Variants in CMC1 observed in about 807,000 individuals in gnomAD.
CMC1 encodes the protein COX assembly mitochondrial protein homolog.
Under a neutral mutation model 14.1 loss-of-function variants are expected in CMC1, and 14 were observed. The observed-to-expected ratio is 0.99, with a 90% CI of 0.66 to 1.55. The LOEUF (loss-of-function observed/expected upper bound fraction) is 1.55. CMC1 is among the 40% of genes most tolerant of loss of function. CMC1 has a pLI of 0.00. For missense variants in CMC1, 127 were observed against 123.8 expected (o/e 1.03, Z -0.12); for synonymous variants, 50 against 38.4 (o/e 1.30, Z -1.12).
At chr3:28,289,419 CG>C (rs1282351415) in intron 2 of CMC1, among the ~76,000 whole-genome samples, 1 of 151,588 alleles carries the variant, frequency 6.6e-6, no homozygotes, top group East Asian at 1.9e-4. Flanking sequence ...ATATAAAAGC[CG>C]AGTATAACAT....
At chr3:28,265,265 T>C (rs1235165156) in intron 2 of CMC1, among the ~76,000 whole-genome samples, 1 of 152,116 alleles carries the variant, frequency 6.6e-6, no homozygotes, top group African/African-American at 2.4e-5. Context: ...TTTTAGGCCA[T>C]GTGATTCAAA....
chr3:28,252,445 G>A (rs911302080), intron 1 of CMC1, among the ~76,000 whole-genome samples: 1 of 152,148 alleles, frequency 6.6e-6, no homozygotes, highest in Non-Finnish European at 1.5e-5. Flanking sequence ...AATATTTGAT[G>A]TTTATTCTCT....
rs1698517238 is a variant in CMC1, at chr3:28,241,670, GTGTTTC to G, written c.-119_-114del. On this transcript the variant is annotated 5_prime_UTR_variant, in exon 1 of 4. Coordinates refer to ENST00000466830, the MANE Select transcript of CMC1 (RefSeq NM_182523.2). Reference sequence around the variant, plus strand: ...CCTGGCGGTGCTTTGCAAAGGGCCCGTGTTTCTGTTGCGGGAAGCTCCCGGGGGTCG... The same window carrying G: ...CCTGGCGGTGCTTTGCAAAGGGCCCGTGTTGCGGGAAGCTCCCGGGGGTCG... The G allele has an allele frequency of 9.7e-6, 12 of 1,234,968 alleles. No homozygotes were observed. The East Asian group carries it at 3.8e-4, about 39-fold the overall frequency. The allele number at this position is 1,234,968 out of a possible 1,614,324, so 76.5% of individuals were successfully genotyped here. A position where few individuals can be genotyped will look rare whatever the true frequency, so the allele number is the denominator to read the frequency against.
chr3:28,308,846 G>A (rs776835575), intron 2 of CMC1, among the ~76,000 whole-genome samples: 1 of 152,126 alleles, frequency 6.6e-6, no homozygotes, highest in Non-Finnish European at 1.5e-5. Flanking sequence ...AGCCCTGTGT[G>A]GTGGCGCATG....
At chr3:28,305,778 A>AT (rs1559440588) in intron 2 of CMC1, among the ~76,000 whole-genome samples, 8 of 79,052 alleles carry the variant, frequency 1.0e-4, no homozygotes, top group Non-Finnish European at 1.9e-4. Flanking sequence ...TTTTCATAGG[A>AT]ATTTTTTTTT....
At chr3:28,243,734 A>G (rs1470645769) in intron 1 of CMC1, among the ~76,000 whole-genome samples, 4 of 152,248 alleles carry the variant, frequency 2.6e-5, no homozygotes, top group Non-Finnish European at 5.9e-5. Context: ...ACAGTAGTAC[A>G]TAGGACAAAC....
At chr3:28,298,047 A>G (rs916122040) in intron 2 of CMC1, among the ~76,000 whole-genome samples, 1 of 151,934 alleles carries the variant, frequency 6.6e-6, no homozygotes, top group Non-Finnish European at 1.5e-5. Context: ...TTGTGAAGGT[A>G]AAGAATATTC....
chr3:28,317,118 T>C (rs1244573192), intron 3 of CMC1: 3 of 152,064 alleles, frequency 2.0e-5, no homozygotes, highest in African/African-American at 7.2e-5. Context: ...TTAATTTCTG[T>C]AGCCTGTGCA....
intron 2 of CMC1, among the ~76,000 whole-genome samples, chr3:28,312,188 G>C (rs1702669776): frequency 6.6e-6 from 1 of 152,084 alleles, no homozygotes; most frequent in East Asian, 1.9e-4. Flanking sequence ...TTTGCTTTTT[G>C]TAATGCTAGG....
At position 28,321,005 on chromosome 3, in the gene CMC1, G is replaced by T. The variant is rs759397196; in HGVS notation, c.*1376G>T. 1 of 151,100 alleles carries T rather than the reference G, an allele frequency of 6.6e-6. No individual in the cohort carries two copies. Among genetic ancestry groups the T allele is most frequent in the Non-Finnish European group, 1.5e-5 (1 of 67,518 alleles). The allele number at this position is 151,100 out of a possible 1,614,324, so 9.4% of individuals were successfully genotyped here. A position where few individuals can be genotyped will look rare whatever the true frequency, so the allele number is the denominator to read the frequency against. The stretch of plus-strand genomic sequence containing the variant: ...ATCTGAGAGATTTTTTTTTAAGAAA[G>T]AATTTAAATAGGACACTAAAGAATC... On this transcript the variant is annotated 3_prime_UTR_variant, in exon 4 of 4. Coordinates refer to ENST00000466830, the MANE Select transcript of CMC1 (RefSeq NM_182523.2).
At chr3:28,285,260 T>A (rs1476773378) in intron 2 of CMC1, among the ~76,000 whole-genome samples, 1 of 152,182 alleles carries the variant, frequency 6.6e-6, no homozygotes, top group Non-Finnish European at 1.5e-5. Context: ...GGTGACCTTC[T>A]CTGCTGGGGA....
At chr3:28,247,854 C>CT (rs537013089) in intron 1 of CMC1, among the ~76,000 whole-genome samples, 78 of 148,412 alleles carry the variant, frequency 5.3e-4, no homozygotes, top group South Asian at 2.4e-3. Context: ...CTAAGCTGTA[C>CT]TTTTTTTTTT....
chr3:28,319,083 C>T (rs192056471), intron 3 of CMC1: 1 of 358,958 alleles, frequency 2.8e-6, no homozygotes, highest in African/African-American at 2.1e-5. Flanking sequence ...CATGTGTCTT[C>T]CCACACTTGC....
chr3:28,306,502 ATGATGATTTTTGCATG>A (rs1206082699), intron 2 of CMC1, among the ~76,000 whole-genome samples: 3 of 152,124 alleles, frequency 2.0e-5, no homozygotes, highest in Non-Finnish European at 4.4e-5. Flanking sequence ...GTGTATAGAA[ATGATGATTTTTGCATG>A]TTGATTTTGT....
At chr3:28,290,783 G>T (rs1701431983) in intron 2 of CMC1, among the ~76,000 whole-genome samples, 1 of 151,726 alleles carries the variant, frequency 6.6e-6, no homozygotes, top group Admixed American at 6.6e-5. Context: ...AACATTTGAT[G>T]GTATTTACTG....
At chr3:28,294,495 T>C in intron 2 of CMC1, 1 of 968,122 alleles carries the variant, frequency 1.0e-6, no homozygotes, top group Non-Finnish European at 1.2e-6. Context: ...TTTTCCAAAC[T>C]AAGTGGACGA....
intron 2 of CMC1, among the ~76,000 whole-genome samples, chr3:28,293,320 TTC>T (rs1469434228): frequency 1.5e-4 from 23 of 151,522 alleles, no homozygotes; most frequent in Admixed American, 2.6e-4. Context: ...TTTTTTTTTT[TTC>T]GAGTGGCTGG....
intron 2 of CMC1, among the ~76,000 whole-genome samples, chr3:28,300,512 T>C (rs1036184800): frequency 6.6e-6 from 1 of 152,024 alleles, no homozygotes; most frequent in Non-Finnish European, 1.5e-5. Flanking sequence ...AGCTGGCTTT[T>C]TCACTCTGCT....
At chr3:28,276,685 A>C (rs1186035278) in intron 2 of CMC1, among the ~76,000 whole-genome samples, 1 of 152,206 alleles carries the variant, frequency 6.6e-6, no homozygotes, top group African/African-American at 2.4e-5. Flanking sequence ...TTTCCTGGTA[A>C]TCAGAGCCTG....
Sources: gnomAD v4.1 joint callset for allele counts (sites outside exome capture counted in the v4.1 genomes callset) on GRCh38, gnomAD v4.1.1 for gene constraint, MANE v1.5 for transcripts, NCBI Gene and HGNC (gene_info 2026-07-23, HGNC 2026-07-21) for gene names.